Variants in ZNF804A observed in about 807,000 individuals in gnomAD.
ZNF804A encodes zinc finger protein 804A.
Under a neutral mutation model 16.5 loss-of-function variants are expected in ZNF804A, and 2 were observed. That is an observed-to-expected ratio of 0.12 (90% confidence interval 0.05 to 0.38). The LOEUF (loss-of-function observed/expected upper bound fraction) is 0.38, where lower values mean the gene tolerates loss of function less well. Among genes scored for constraint, ZNF804A ranks in the 10% least tolerant of loss-of-function variants. The probability of loss-of-function intolerance (pLI) is 0.99; values close to 1 mark genes in which losing one functional copy is unlikely to be tolerated. For missense variants in ZNF804A, 1,473 were observed against 1,390.7 expected (o/e 1.06, Z -0.94); for synonymous variants, 534 against 489.6 (o/e 1.09, Z -1.20).
chr2:184,761,405 C>T (rs1047290885), intron 1 of ZNF804A, among the ~76,000 whole-genome samples: 1 of 152,048 alleles, frequency 6.6e-6, no homozygotes. Context: ...AAGGCTCAAA[C>T]TTGAAGCTTA....
intron 1 of ZNF804A, among the ~76,000 whole-genome samples, chr2:184,862,003 C>T (rs1242660372): frequency 6.6e-6 from 1 of 152,146 alleles, no homozygotes; most frequent in East Asian, 1.9e-4. Context: ...TGACCTGACT[C>T]GTTGCAGGAA....
At chr2:184,640,117 G>A (rs1691770794) in intron 1 of ZNF804A, among the ~76,000 whole-genome samples, 2 of 151,974 alleles carry the variant, frequency 1.3e-5, no homozygotes, top group South Asian at 4.1e-4. Context: ...TCATATATGT[G>A]TAAAAATACT....
chr2:184,657,874 T>C (rs1031259175), intron 1 of ZNF804A, among the ~76,000 whole-genome samples: 1 of 152,066 alleles, frequency 6.6e-6, no homozygotes, highest in African/African-American at 2.4e-5. Flanking sequence ...AGGAGAGAGA[T>C]CAAATGGATA....
chr2:184,858,332 C>T (rs1227964358), intron 1 of ZNF804A, among the ~76,000 whole-genome samples: 5 of 151,604 alleles, frequency 3.3e-5, no homozygotes, highest in East Asian at 1.9e-4. Flanking sequence ...GGCGAAACCC[C>T]GTCTCTATTA....
chr2:184,756,014 C>T (rs1027561730), intron 1 of ZNF804A, among the ~76,000 whole-genome samples: 1 of 151,888 alleles, frequency 6.6e-6, no homozygotes, highest in Non-Finnish European at 1.5e-5. Flanking sequence ...TTGTTTCTAA[C>T]CCTTGCAAAA....
At chr2:184,829,917 A>AC (rs1322929277) in intron 1 of ZNF804A, among the ~76,000 whole-genome samples, 1 of 106,358 alleles carries the variant, frequency 9.4e-6, no homozygotes, top group African/African-American at 5.9e-5. Context: ...AAAAAAAAAA[A>AC]AAAAACAAAA....
At chr2:184,768,477 A>G (rs1046541395) in intron 1 of ZNF804A, among the ~76,000 whole-genome samples, 3 of 152,112 alleles carry the variant, frequency 2.0e-5, no homozygotes, top group Non-Finnish European at 2.9e-5. Context: ...ATTTAATTTC[A>G]AAGAATGGTG....
Position 184,938,744 on chromosome 2 carries a change from C to CGCAGCT in ZNF804A, c.3353_3358dup (p.Ala1118_Ala1119dup). ...CAGCTGCTGCAGCTGCAGCTGCAGC[C>CGCAGCT]GCAGCTGCAGGAACCTTTAAAGTGC... On this transcript the variant is annotated inframe_insertion, in exon 4 of 4. Transcript: ENST00000302277. The CGCAGCT allele has an allele frequency of 6.2e-7, 1 of 1,606,496 alleles. No individual in the cohort carries two copies. Among genetic ancestry groups the CGCAGCT allele is most frequent in the Non-Finnish European group, 8.5e-7 (1 of 1,175,826 alleles).
chr2:184,909,674 G>T (rs1335878585), intron 2 of ZNF804A, among the ~76,000 whole-genome samples: 2 of 151,632 alleles, frequency 1.3e-5, no homozygotes, highest in Non-Finnish European at 2.9e-5. Flanking sequence ...TTCACCTCTG[G>T]GTCAATTTTC....
chr2:184,874,620 G>A (rs1366844), intron 2 of ZNF804A, among the ~76,000 whole-genome samples: 49,584 of 151,984 alleles, frequency 0.33, 10,811 homozygotes, highest in African/African-American at 0.62. Context: ...AATTATCAGA[G>A]TAATCTTGTT....
At chr2:184,645,855 T>G (rs1477275607) in intron 1 of ZNF804A, among the ~76,000 whole-genome samples, 1 of 152,112 alleles carries the variant, frequency 6.6e-6, no homozygotes, top group Non-Finnish European at 1.5e-5. Context: ...ATAGTTCCCA[T>G]AAAGATGTGT....
At chr2:184,653,444 G>A (rs749250347) in intron 1 of ZNF804A, among the ~76,000 whole-genome samples, 1 of 152,060 alleles carries the variant, frequency 6.6e-6, no homozygotes, top group Non-Finnish European at 1.5e-5. Flanking sequence ...TTTTACTCAG[G>A]GACATAAGGC....
At chr2:184,787,847 A>G (rs563048556) in intron 1 of ZNF804A, among the ~76,000 whole-genome samples, 1 of 150,188 alleles carries the variant, frequency 6.7e-6, no homozygotes, top group Non-Finnish European at 1.5e-5. Flanking sequence ...TAGTTTAATT[A>G]AGTCCCATTT....
At chr2:184,610,551 T>C (rs1408143263) in intron 1 of ZNF804A, among the ~76,000 whole-genome samples, 1 of 152,124 alleles carries the variant, frequency 6.6e-6, no homozygotes, top group Non-Finnish European at 1.5e-5. Flanking sequence ...GATGGAATTA[T>C]ATGTAGATTC....
intron 1 of ZNF804A, among the ~76,000 whole-genome samples, chr2:184,851,574 A>T (rs953868987): frequency 1.3e-5 from 2 of 151,890 alleles, no homozygotes; most frequent in Non-Finnish European, 2.9e-5. Context: ...CATTGTCTTT[A>T]TCTCTTCATG....
At chr2:184,611,175 G>T (rs1386608812) in intron 1 of ZNF804A, among the ~76,000 whole-genome samples, 1 of 152,060 alleles carries the variant, frequency 6.6e-6, no homozygotes, top group African/African-American at 2.4e-5. Context: ...TTCTATAAGG[G>T]CACTAATCTG....
intron 1 of ZNF804A, among the ~76,000 whole-genome samples, chr2:184,838,097 G>C (rs548192641): frequency 3.9e-5 from 6 of 152,154 alleles, no homozygotes; most frequent in African/African-American, 1.4e-4. Context: ...TTTGCAGGGT[G>C]TTGGGACTAC....
At chr2:184,744,779 A>G (rs1693762492) in intron 1 of ZNF804A, among the ~76,000 whole-genome samples, 1 of 152,072 alleles carries the variant, frequency 6.6e-6, no homozygotes, top group East Asian at 1.9e-4. Context: ...AAATAACTCC[A>G]AAATAAAACT....
intron 1 of ZNF804A, among the ~76,000 whole-genome samples, chr2:184,864,197 A>G (rs1466222070): frequency 6.6e-6 from 1 of 152,078 alleles, no homozygotes; most frequent in East Asian, 1.9e-4. Context: ...CTCATAATGG[A>G]AGGGGAAGGG....
Sources: gnomAD v4.1 joint callset for allele counts (sites outside exome capture counted in the v4.1 genomes callset) on GRCh38, gnomAD v4.1.1 for gene constraint, MANE v1.5 for transcripts, NCBI Gene and HGNC (gene_info 2026-07-23, HGNC 2026-07-21) for gene names.